Variants in TMCO5A observed in about 807,000 individuals in gnomAD.
TMCO5A encodes the protein transmembrane and coiled-coil domain-containing protein 5A.
A neutral mutation model predicts 42.3 loss-of-function variants in TMCO5A; 34 were observed. That is an observed-to-expected ratio of 0.80 (90% CI 0.61 to 1.07). TMCO5A has a LOEUF of 1.07. Ranked by LOEUF, TMCO5A falls within the 50% of genes least tolerant of loss-of-function variation. The pLI, the probability that TMCO5A is intolerant of heterozygous loss-of-function variation, is 0.00. For missense variants in TMCO5A, 357 were observed against 327.9 expected, an observed-to-expected ratio of 1.09 and a Z score of -0.69; for synonymous variants, 131 against 115.6, an observed-to-expected ratio of 1.13 and a Z score of -0.86.
chr15:38,019,689 C>A, the TMCO5A span, among the ~76,000 whole-genome samples: 145 of 152,174 alleles, frequency 9.5e-4, no homozygotes, highest in African/African-American at 3.4e-3. Context: ...CTCACTGCAG[C>A]CTCAAATTCC....
chr15:38,024,311 G>C, the TMCO5A span, among the ~76,000 whole-genome samples: 1 of 152,224 alleles, frequency 6.6e-6, no homozygotes, highest in Non-Finnish European at 1.5e-5. Context: ...GATGTGTCAA[G>C]AGTTCAGCTG....
chr15:37,984,016 A>G, the TMCO5A span, among the ~76,000 whole-genome samples: 1 of 152,166 alleles, frequency 6.6e-6, no homozygotes, highest in South Asian at 2.1e-4. Context: ...TGTCAACTAC[A>G]CTTATGTCTT....
intron 11 of TMCO5A, chr15:37,966,489 C>T (rs1566925337): frequency 4.5e-6 from 3 of 670,100 alleles, no homozygotes; most frequent in Non-Finnish European, 8.1e-6. Flanking sequence ...TCATATACCC[C>T]ATAAATATAC....
chr15:38,018,305 C>T, the TMCO5A span, among the ~76,000 whole-genome samples: 6 of 152,002 alleles, frequency 3.9e-5, no homozygotes, highest in African/African-American at 1.2e-4. Context: ...AAGTAAAGAG[C>T]GTTAAAGCAA....
At chr15:38,010,201 G>T in the TMCO5A span, among the ~76,000 whole-genome samples, 4 of 136,066 alleles carry the variant, frequency 2.9e-5, no homozygotes, top group Admixed American at 7.3e-5. Flanking sequence ...GTGAAACCCC[G>T]TCTCTACTAA....
intron 10 of TMCO5A, among the ~76,000 whole-genome samples, chr15:37,946,528 C>G (rs965567095): frequency 6.6e-6 from 1 of 152,062 alleles, no homozygotes; most frequent in Non-Finnish European, 1.5e-5. Context: ...TGAGTCCTCT[C>G]TGATTTCTTT....
intron 5 of TMCO5A, 72 bp from the exon 6 acceptor site, chr15:37,938,086 T>A: frequency 7.7e-7 from 1 of 1,297,398 alleles, no homozygotes; most frequent in Non-Finnish European, 1.1e-6. Flanking sequence ...TAGTTACTAA[T>A]CTCCACACAC....
chr15:38,007,498 T>C, the TMCO5A span, among the ~76,000 whole-genome samples: 1 of 152,184 alleles, frequency 6.6e-6, no homozygotes, highest in Non-Finnish European at 1.5e-5. Flanking sequence ...GGATGATGTT[T>C]AGGAAACATG....
At chr15:38,023,095 CAAAAAGA>C in the TMCO5A span, among the ~76,000 whole-genome samples, 4 of 151,984 alleles carry the variant, frequency 2.6e-5, no homozygotes, top group African/African-American at 9.7e-5. Flanking sequence ...ATGTAATGTG[CAAAAAGA>C]ATAAGAAAAA....
the TMCO5A span, among the ~76,000 whole-genome samples, chr15:38,011,230 G>A: frequency 9.7e-4 from 147 of 152,302 alleles, no homozygotes; most frequent in African/African-American, 3.4e-3. Context: ...AGGCTTGAGT[G>A]AAGAAGGAAC....
intron 11 of TMCO5A, among the ~76,000 whole-genome samples, chr15:37,964,070 A>T (rs1419915091): frequency 6.6e-6 from 1 of 151,906 alleles, no homozygotes; most frequent in Non-Finnish European, 1.5e-5. Context: ...GGTGTTAAAG[A>T]GCCTTGTTTT....
the TMCO5A span, among the ~76,000 whole-genome samples, chr15:38,027,013 T>C: frequency 6.6e-6 from 1 of 152,106 alleles, no homozygotes; most frequent in Non-Finnish European, 1.5e-5. Flanking sequence ...GGGGAGTTCA[T>C]GGAGAACCTC....
the TMCO5A span, among the ~76,000 whole-genome samples, chr15:38,003,106 T>C: frequency 6.6e-6 from 1 of 152,218 alleles, no homozygotes; most frequent in Non-Finnish European, 1.5e-5. Flanking sequence ...AGTGATGCTG[T>C]GGCTCTTGCA....
the TMCO5A span, among the ~76,000 whole-genome samples, chr15:37,979,473 C>T: frequency 6.6e-6 from 1 of 152,172 alleles, no homozygotes; most frequent in African/African-American, 2.4e-5. Context: ...GAAATCCACA[C>T]CCTCTAAACT....
the TMCO5A span, among the ~76,000 whole-genome samples, chr15:37,998,955 G>A: frequency 1.3e-5 from 2 of 152,100 alleles, no homozygotes; most frequent in African/African-American, 4.8e-5. Flanking sequence ...TGCCCAGGCT[G>A]GAGTGCAATG....
intron 2 of TMCO5A, among the ~76,000 whole-genome samples, chr15:37,935,821 A>C (rs959660395): frequency 2.0e-5 from 3 of 152,122 alleles, no homozygotes; most frequent in Admixed American, 6.6e-5. Context: ...AGAGGTGTTG[A>C]GGTGGGAGAA....
chr15:37,976,913 G>A, the TMCO5A span, among the ~76,000 whole-genome samples: 2 of 149,754 alleles, frequency 1.3e-5, no homozygotes, highest in African/African-American at 4.9e-5. Flanking sequence ...AGCCTCCTGA[G>A]TAACTGGGAT....
chr15:37,989,261 C>A, the TMCO5A span, among the ~76,000 whole-genome samples: 3 of 151,746 alleles, frequency 2.0e-5, no homozygotes, highest in African/African-American at 7.3e-5. Context: ...GATAAAGAAT[C>A]AACTTTTGGT....
the TMCO5A span, among the ~76,000 whole-genome samples, chr15:37,985,352 T>C: frequency 6.6e-6 from 1 of 152,186 alleles, no homozygotes; most frequent in Admixed American, 6.6e-5. Flanking sequence ...CCTGGGTTGT[T>C]TTATTGGATT....
Sources: allele counts gnomAD v4.1 joint callset (sites outside exome capture counted in the v4.1 genomes callset), GRCh38; gene constraint gnomAD v4.1.1; transcripts MANE v1.5; gene names NCBI Gene and HGNC (gene_info 2026-07-23, HGNC 2026-07-21).